PPP4R2: variants seen among roughly 807,000 people sequenced by gnomAD.
PPP4R2 encodes protein phosphatase 4 regulatory subunit 2.
In PPP4R2, 13 loss-of-function variants were observed where a neutral mutation model predicts 47.2. The observed-to-expected ratio is 0.28, with a 90% CI of 0.18 to 0.44. The LOEUF is 0.44. PPP4R2 is among the 20% of genes least tolerant of loss of function. The pLI, the probability that PPP4R2 is intolerant of heterozygous loss-of-function variation, is 1.00. For missense variants in PPP4R2, 421 were observed against 491.2 expected, an observed-to-expected ratio of 0.86 and a Z score of 1.35; for synonymous variants, 151 against 163.3, an observed-to-expected ratio of 0.92 and a Z score of 0.57.
intron 3 of PPP4R2, among the ~76,000 whole-genome samples, chr3:73,047,799 C>T (rs1397109744): frequency 1.3e-5 from 2 of 152,130 alleles, no homozygotes; most frequent in African/African-American, 2.4e-5. Context: ...TACAAGTAAC[C>T]ATTTTTGGCC....
At chr3:73,000,636 G>A (rs1380417946) in intron 2 of PPP4R2, among the ~76,000 whole-genome samples, 1 of 152,170 alleles carries the variant, frequency 6.6e-6, no homozygotes, top group Non-Finnish European at 1.5e-5. Flanking sequence ...TCTGATGTAG[G>A]AAGTTAGGAA....
rs1559571205 is a variant in PPP4R2 at position 73,063,993 on chromosome 3, C to G, written c.495-10C>G. ...AAAATAGGAAATGATGTTCATTTAT[C>G]TTATTATAGGTCTAATATAAATGGG... On this transcript the variant is annotated splice_polypyrimidine_tract_variant and intron_variant, in intron 6 of 8. Transcript: ENST00000356692. The G allele has an allele frequency of 6.4e-7, 1 of 1,574,152 alleles. No homozygotes were observed. Among genetic ancestry groups the G allele is most frequent in the Non-Finnish European group, 8.6e-7 (1 of 1,166,180 alleles).
intron 2 of PPP4R2, among the ~76,000 whole-genome samples, chr3:73,030,959 C>A (rs572166935): frequency 6.6e-6 from 1 of 152,148 alleles, no homozygotes; most frequent in African/African-American, 2.4e-5. Flanking sequence ...GCCTCGGCCT[C>A]CCAAAATGCT....
chr3:73,051,666 C>G (rs1702615559), intron 3 of PPP4R2, among the ~76,000 whole-genome samples: 1 of 152,194 alleles, frequency 6.6e-6, no homozygotes, highest in Non-Finnish European at 1.5e-5. Context: ...TCGCTCTTTG[C>G]CCAGGCTGGA....
intron 2 of PPP4R2, among the ~76,000 whole-genome samples, chr3:73,032,866 A>G (rs571407236): frequency 1.3e-4 from 20 of 152,166 alleles, no homozygotes; most frequent in African/African-American, 4.3e-4. Context: ...TATGCTTATG[A>G]CTAATTCAAC....
Position 73,063,697 on chromosome 3 carries a change from T to A in PPP4R2, c.444T>A (p.Asn148Lys). Residue 148 changes from asparagine to lysine, a missense_variant, in exon 6 of 9, where the codon AAT becomes AAA. Asn to Lys is a moderately conservative substitution (Grantham distance 94). This residue lies in a region of PPP4R2 where 104 missense variants were observed against 203.7 expected (regional missense o/e 0.51). Transcript: ENST00000356692. The part of the protein sequence containing the change: ...SSEKNNSNSL[N>K]RMNGVMFPGN... ...GGAAAAACAATTCCAATAGTTTAAA[T>A]CGAATGAATGGTGTTATGTTTCCTG... 1 of 1,596,000 alleles carries A rather than the reference T, an allele frequency of 6.3e-7. No individual in the cohort carries two copies. The highest frequency in any genetic ancestry group is 8.6e-7 in the Non-Finnish European group (1 of 1,163,740).
At chr3:72,999,854 A>AT (rs1200284385) in intron 2 of PPP4R2, among the ~76,000 whole-genome samples, 4 of 152,064 alleles carry the variant, frequency 2.6e-5, no homozygotes, top group African/African-American at 9.7e-5. Context: ...TTTGGAAAAT[A>AT]TTTTTTATTT....
chr3:73,048,174 AGTACT>A (rs1204300373), intron 3 of PPP4R2, among the ~76,000 whole-genome samples: 2 of 150,064 alleles, frequency 1.3e-5, no homozygotes, highest in Non-Finnish European at 3.0e-5. Flanking sequence ...CACGCCCGGC[AGTACT>A]CATTTTTAAA....
At position 73,006,403 on chromosome 3, in the gene PPP4R2, G is replaced by A. The variant is rs555925099; in HGVS notation, c.116+8245G>A. On this transcript the variant is annotated intron_variant, in intron 2 of 8. Transcript: ENST00000356692. ...TAGTAGAGACGGGGTTTTACCACAT[G>A]GGCCAGGCTGACTCCTGACCTCGTA... Among the ~76,000 whole-genome samples, 167 of 151,936 alleles carry A rather than the reference G, an allele frequency of 1.1e-3. 3 individuals are homozygous for A. In the South Asian group the frequency reaches 0.03, roughly 27 times the overall value.
chr3:73,013,959 C>T (rs1415961838), intron 2 of PPP4R2, among the ~76,000 whole-genome samples: 1 of 133,192 alleles, frequency 7.5e-6, no homozygotes, highest in East Asian at 1.9e-4. Flanking sequence ...GGATATCTTA[C>T]CAAAACACAA....
At chr3:73,004,229 T>G (rs762389488) in intron 2 of PPP4R2, among the ~76,000 whole-genome samples, 2 of 151,718 alleles carry the variant, frequency 1.3e-5, no homozygotes, top group Non-Finnish European at 2.9e-5. Context: ...TTGTTGAGCA[T>G]GGGGTCTCGC....
chr3:73,020,497 GT>G (rs936226764), intron 2 of PPP4R2, among the ~76,000 whole-genome samples: 4 of 151,864 alleles, frequency 2.6e-5, no homozygotes, highest in African/African-American at 7.3e-5. Context: ...CTGAAACCCT[GT>G]CACTACAAAG....
intron 2 of PPP4R2, chr3:73,014,868 A>T (rs1044800389): frequency 2.4e-5 from 12 of 499,364 alleles, no homozygotes; most frequent in Middle Eastern, 2.8e-4. Flanking sequence ...ATCCTTGTGT[A>T]TTTATTTATT....
intron 5 of PPP4R2, chr3:73,062,761 G>A (rs750018607): frequency 1.9e-6 from 3 of 1,613,990 alleles, no homozygotes; most frequent in South Asian, 1.1e-5. Flanking sequence ...CATGGTGAGA[G>A]TGCTGATCTG....
intron 3 of PPP4R2, among the ~76,000 whole-genome samples, chr3:73,052,807 A>G (rs557945559): frequency 6.6e-6 from 1 of 152,364 alleles, no homozygotes; most frequent in East Asian, 1.9e-4. Context: ...GTGTTCCTAT[A>G]TATTTATGAG....
intron 5 of PPP4R2, chr3:73,062,849 T>G: frequency 6.2e-7 from 1 of 1,613,794 alleles, no homozygotes; most frequent in Admixed American, 1.7e-5. Context: ...TGTTCACACT[T>G]CTATTTGGAG....
At chr3:73,060,089 G>A (rs2291528) in intron 4 of PPP4R2, among the ~76,000 whole-genome samples, 81,112 of 151,942 alleles carry the variant, frequency 0.53, 22,001 homozygotes, top group South Asian at 0.62. Context: ...TCAGTTGATG[G>A]TTGGTCCGGA....
intron 2 of PPP4R2, chr3:73,015,740 C>T (rs1445382496): frequency 4.7e-6 from 2 of 427,376 alleles, no homozygotes; most frequent in Non-Finnish European, 9.4e-6. Context: ...TGGGTTCATG[C>T]CATTGTCCTG....
In PPP4R2 at chr3:72,996,957, G is replaced by A; in HGVS notation, c.-81G>A. 2 of 1,136,408 alleles carry A rather than the reference G, an allele frequency of 1.8e-6. No homozygotes were observed. Among genetic ancestry groups the A allele is most frequent in the South Asian group, 2.6e-5 (1 of 37,868 alleles). 70.4% of individuals were successfully genotyped at this position (1,136,408 alleles called of 1,614,324 possible). On this transcript the variant is annotated 5_prime_UTR_variant, in exon 1 of 9. Transcript: ENST00000356692. ...AGTGTGTGCGAGGGAGGGGGAGGGC[G>A]TCGGGGGGGTGGGGGGAGGCGTTCC...
Sources: gnomAD v4.1 joint callset for allele counts (sites outside exome capture counted in the v4.1 genomes callset) on GRCh38, gnomAD v4.1.1 for gene constraint, gnomAD v4.1.1 regional missense constraint, MANE v1.5 for transcripts, NCBI Gene and HGNC (gene_info 2026-07-23, HGNC 2026-07-21) for gene names.